ALG12: variants seen among roughly 807,000 people sequenced by gnomAD.
The protein encoded by ALG12 is ALG12 alpha-1,6-mannosyltransferase.
Under a neutral mutation model 46.0 loss-of-function variants are expected in ALG12, and 36 were observed. The observed-to-expected ratio is 0.78, with a 90% confidence interval of 0.60 to 1.03. The LOEUF (loss-of-function observed/expected upper bound fraction) is 1.03, where lower values mean the gene tolerates loss of function less well. Ranked by LOEUF, ALG12 falls within the 50% of genes least tolerant of loss-of-function variation. The pLI is 0.00. For synonymous variants in ALG12, 326 were observed against 291.6 expected (o/e 1.12, Z -1.20); for missense variants, 599 against 633.5 (o/e 0.95, Z 0.58).
the ALG12 span, among the ~76,000 whole-genome samples, chr22:49,874,377 G>A: frequency 4.6e-5 from 7 of 151,290 alleles, no homozygotes; most frequent in African/African-American, 1.5e-4. Context: ...TTTTGCTAAT[G>A]TATTGTTTTA....
the ALG12 span, among the ~76,000 whole-genome samples, chr22:49,876,483 C>T: frequency 6.6e-6 from 1 of 152,132 alleles, no homozygotes; most frequent in Non-Finnish European, 1.5e-5. Context: ...GGAGAATGCG[C>T]TCTGGATGAA....
Position 49,906,697 on chromosome 22 carries a change from C to T in ALG12, c.992+1024G>A, listed in dbSNP as rs1311155875. ...CGGCCCTCCTGGCCTGTAGCCCTGC[C>T]GCCCCTCAATGCCCAGCGTGGCCTG... On this transcript the variant is annotated intron_variant, in intron 7 of 9. Coordinates refer to ENST00000330817, the MANE Select transcript of ALG12 (RefSeq NM_024105.4). This position sits in a 1 kb window ranked among gnomAD's most constrained non-coding sequence, Gnocchi z 4.4. Among the ~76,000 whole-genome samples the T allele has an allele frequency of 3.3e-5, 5 of 152,300 alleles. No homozygotes were observed. Among genetic ancestry groups the T allele is most frequent in the East Asian group, 1.9e-4 (1 of 5,176 alleles).
chr22:49,866,971 T>A, the ALG12 span, among the ~76,000 whole-genome samples: 3 of 152,162 alleles, frequency 2.0e-5, no homozygotes, highest in Non-Finnish European at 4.4e-5. Context: ...GTTTGCTGTT[T>A]TTTCTAGTGT....
the ALG12 span, among the ~76,000 whole-genome samples, chr22:49,872,336 G>GT: frequency 3.3e-5 from 5 of 152,136 alleles, no homozygotes; most frequent in East Asian, 9.6e-4. Flanking sequence ...TTTATCCTAA[G>GT]AGTACAGCAA....
the ALG12 span, among the ~76,000 whole-genome samples, chr22:49,882,529 A>G: frequency 6.6e-6 from 1 of 152,178 alleles, no homozygotes; most frequent in Non-Finnish European, 1.5e-5. Context: ...TCCTTAGTAA[A>G]CTGCTCCATC....
At chr22:49,911,445 TC>T (rs113198941) in intron 3 of ALG12, among the ~76,000 whole-genome samples, 17,850 of 151,428 alleles carry the variant, frequency 0.12, 1,039 homozygotes, top group South Asian at 0.15. Flanking sequence ...TTTTTTTTTT[TC>T]TTTTTAAGGA....
the ALG12 span, among the ~76,000 whole-genome samples, chr22:49,861,529 G>C: frequency 2.0e-5 from 3 of 151,236 alleles, no homozygotes; most frequent in Non-Finnish European, 2.9e-5. Flanking sequence ...GACCTCACGG[G>C]CTCAAGTGAT....
the ALG12 span, chr22:49,883,414 C>A: frequency 5.0e-6 from 2 of 398,372 alleles, no homozygotes; most frequent in Non-Finnish European, 8.7e-6. Context: ...GTCTCTGCTG[C>A]ACACATTGTT....
the ALG12 span, among the ~76,000 whole-genome samples, chr22:49,874,388 A>AT: frequency 0.052 from 7,454 of 143,126 alleles, 557 homozygotes; most frequent in African/African-American, 0.17. Context: ...TATTGTTTTA[A>AT]TTTTTTTTTT....
the ALG12 span, among the ~76,000 whole-genome samples, chr22:49,893,332 A>G: frequency 6.6e-6 from 1 of 152,202 alleles, no homozygotes; most frequent in Non-Finnish European, 1.5e-5. Flanking sequence ...CAATGAGGAT[A>G]AATTGAAAAT....
downstream of ALG12, among the ~76,000 whole-genome samples, chr22:49,899,105 C>A (rs1387262693): frequency 6.6e-6 from 1 of 152,088 alleles, no homozygotes; most frequent in Non-Finnish European, 1.5e-5. Flanking sequence ...GCCTAGGCAA[C>A]ACAGTGAGAT....
At chr22:49,862,628 G>A in the ALG12 span, among the ~76,000 whole-genome samples, 1 of 149,724 alleles carries the variant, frequency 6.7e-6, no homozygotes. Context: ...TGTTACAGCA[G>A]CTACTTCCTT....
the ALG12 span, among the ~76,000 whole-genome samples, chr22:49,866,873 C>T: frequency 6.6e-6 from 1 of 152,224 alleles, no homozygotes; most frequent in African/African-American, 2.4e-5. Context: ...ATGCTGGCGG[C>T]TCTTGAACGG....
chr22:49,882,534 T>C, the ALG12 span, among the ~76,000 whole-genome samples: 1 of 152,234 alleles, frequency 6.6e-6, no homozygotes, highest in Non-Finnish European at 1.5e-5. Context: ...AGTAAACTGC[T>C]CCATCTCCTA....
At chr22:49,874,132 C>T in the ALG12 span, among the ~76,000 whole-genome samples, 1 of 152,152 alleles carries the variant, frequency 6.6e-6, no homozygotes, top group African/African-American at 2.4e-5. Context: ...CTCTGACAGC[C>T]GCCTCCTGCC....
At chr22:49,879,489 A>G in the ALG12 span, among the ~76,000 whole-genome samples, 1 of 151,440 alleles carries the variant, frequency 6.6e-6, no homozygotes, top group African/African-American at 2.4e-5. Context: ...ACACCACTAT[A>G]TCCGCTCTTA....
At chr22:49,869,813 G>T in the ALG12 span, among the ~76,000 whole-genome samples, 6 of 152,034 alleles carry the variant, frequency 3.9e-5, no homozygotes, top group African/African-American at 7.3e-5. Flanking sequence ...TTTTTAAAAA[G>T]AATTTCAACT....
intron 3 of ALG12, among the ~76,000 whole-genome samples, chr22:49,911,956 TAGCCTCGGCCTCACGATC>T (rs2060578983): frequency 7.5e-6 from 1 of 132,872 alleles, no homozygotes; most frequent in Admixed American, 7.2e-5. Context: ...CCAACAAGGG[TAGCCTCGGCCTCACGATC>T]AGCCTCGGCT....
chr22:49,916,683 C>A (rs747814446), intron 1 of ALG12, among the ~76,000 whole-genome samples: 9 of 152,204 alleles, frequency 5.9e-5, no homozygotes, highest in Non-Finnish European at 1.2e-4. Flanking sequence ...CAGACCCCAT[C>A]TCCACAAAAA....
Sources: allele counts gnomAD v4.1 joint callset (sites outside exome capture counted in the v4.1 genomes callset), GRCh38; gene constraint gnomAD v4.1.1; non-coding constraint Gnocchi (gnomAD v3.1); transcripts MANE v1.5; gene names NCBI Gene and HGNC (gene_info 2026-07-23, HGNC 2026-07-21).